The following ACSL4 variants were observed in gnomAD, a reference collection of about 807,000 sequenced individuals.
ACSL4 encodes long-chain-fatty-acid--CoA ligase 4.
ACSL4 carries 9 observed loss-of-function variants against 49.1 expected under a neutral mutation model. That is an observed-to-expected ratio of 0.18 (90% CI 0.11 to 0.32). The LOEUF is 0.32. ACSL4 is among the 10% of genes least tolerant of loss of function. The probability of loss-of-function intolerance (pLI) is 1.00; values close to 1 mark genes in which losing one functional copy is unlikely to be tolerated. For synonymous variants in ACSL4, 191 were observed against 170.3 expected (o/e 1.12, Z -0.95); for missense variants, 333 against 493.7 (o/e 0.67, Z 3.08).
Position 109,723,405 on chromosome X carries a change from T to G in ACSL4, c.-66+9734A>C, listed in dbSNP as rs1927714734. Among the ~76,000 whole-genome samples, 3 of 111,765 alleles carry G rather than the reference T, an allele frequency of 2.7e-5. No homozygotes were observed. In the South Asian group the frequency reaches 1.1e-3, roughly 41 times the overall value. ...CTCTTGATGTGTATCAATCAGATTG[T>G]TTTGTATTACCCATACACATGATAA... is the stretch of plus-strand genomic sequence containing the variant. On this transcript the variant is annotated intron_variant, in intron 1 of 15. Coordinates refer to ENST00000672401, the MANE Select transcript of ACSL4 (RefSeq NM_001318510.2).
chrX:109,700,718 G>C (rs1223603253), intron 1 of ACSL4, among the ~76,000 whole-genome samples: 1 of 110,839 alleles, frequency 9.0e-6, no homozygotes, highest in East Asian at 2.8e-4. Flanking sequence ...TTGCTTCATG[G>C]AAAAGTTAGA....
At chrX:109,674,141 T>C (rs963730990) in intron 9 of ACSL4, among the ~76,000 whole-genome samples, 2 of 111,580 alleles carry the variant, frequency 1.8e-5, no homozygotes, top group Non-Finnish European at 3.8e-5. Context: ...TCACAGTAGG[T>C]AACCTGAACT....
At chrX:109,664,556 AAT>A (rs755913385) in intron 12 of ACSL4, among the ~76,000 whole-genome samples, 162 of 112,147 alleles carry the variant, frequency 1.4e-3, no homozygotes, top group African/African-American at 4.8e-3. Context: ...TTAAAAAAGA[AAT>A]AGTCATTTGC....
chrX:109,729,361 C>T (rs1049391596), intron 1 of ACSL4, among the ~76,000 whole-genome samples: 4 of 111,843 alleles, frequency 3.6e-5, no homozygotes, highest in African/African-American at 1.3e-4. Flanking sequence ...CATTGGCGAT[C>T]AGAAAAATGC....
At chrX:109,709,061 T>G (rs771172017) in intron 1 of ACSL4, among the ~76,000 whole-genome samples, 53 of 112,114 alleles carry the variant, frequency 4.7e-4, no homozygotes, top group South Asian at 1.1e-3. Context: ...AGATTATATC[T>G]GCATGAGATA....
chrX:109,673,224 A>G (rs1241233715), intron 9 of ACSL4, among the ~76,000 whole-genome samples: 6 of 111,956 alleles, frequency 5.4e-5, no homozygotes, highest in Non-Finnish European at 1.1e-4. Context: ...CTAAATAGAC[A>G]GCCATAGTGG....
At chrX:109,674,277 T>G (rs376315955) in intron 9 of ACSL4, 125 bp downstream of exon 9, 4 of 611,167 alleles carry the variant, frequency 6.5e-6, no homozygotes. Flanking sequence ...TGCTGTGATT[T>G]CAACAAGGTA....
At chrX:109,732,341 T>C (rs180776918) in intron 1 of ACSL4, among the ~76,000 whole-genome samples, 27 of 111,391 alleles carry the variant, frequency 2.4e-4, no homozygotes, top group Admixed American at 8.5e-4. Flanking sequence ...AGAAATGACG[T>C]CTTATTTAAA....
chrX:109,649,464 G>C lies in ACSL4; in HGVS notation c.1856-5278C>G, dbSNP rs574565188. On this transcript the variant is annotated intron_variant, in intron 15 of 15. Coordinates refer to ENST00000672401, the MANE Select transcript of ACSL4 (RefSeq NM_001318510.2). Reference sequence around the variant, plus strand: ...TTAATAAATGGTGCTGGGAAAACTGGCTAGCCATATGTAGAAAGCTGAAAC... The same window carrying C: ...TTAATAAATGGTGCTGGGAAAACTGCCTAGCCATATGTAGAAAGCTGAAAC... Among the ~76,000 whole-genome samples, 5 of 111,742 alleles carry C rather than the reference G, an allele frequency of 4.5e-5. No homozygotes were observed. The South Asian group carries it at 1.9e-3, about 42-fold the overall frequency.
At chrX:109,676,015 G>C (rs1923650486) in intron 8 of ACSL4, among the ~76,000 whole-genome samples, 1 of 111,588 alleles carries the variant, frequency 9.0e-6, no homozygotes, top group African/African-American at 3.3e-5. Flanking sequence ...GGAGTTGTTT[G>C]GAACAGAATG....
Position 109,668,281 on chromosome X carries a change from A to G in ACSL4, c.1143-8T>C. The G allele has an allele frequency of 1.7e-6, 2 of 1,185,040 alleles. No homozygotes were observed. Among genetic ancestry groups the G allele is most frequent in the Non-Finnish European group, 2.3e-6 (2 of 876,003 alleles). On this transcript the variant is annotated splice_polypyrimidine_tract_variant and splice_region_variant and intron_variant, in intron 10 of 15. Transcript: ENST00000672401. The stretch of plus-strand genomic sequence containing the variant: ...ACCTTTTTAAACAGTAACCTTAATA[A>G]AGGGAGGATAAATGATTTTAATGTA...
chrX:109,660,812 A>C (rs1409140287), intron 14 of ACSL4, among the ~76,000 whole-genome samples: 1 of 111,865 alleles, frequency 8.9e-6, no homozygotes, highest in African/African-American at 3.2e-5. Context: ...CATTATACTA[A>C]GGGAATTAAG....
intron 15 of ACSL4, among the ~76,000 whole-genome samples, chrX:109,658,344 C>T (rs1274583387): frequency 9.0e-6 from 1 of 111,392 alleles, no homozygotes; most frequent in Non-Finnish European, 1.9e-5. Context: ...TCCTACAGTC[C>T]TCTTCAACTG....
chrX:109,698,034 A>G (rs1925591045), intron 1 of ACSL4, among the ~76,000 whole-genome samples: 1 of 111,541 alleles, frequency 9.0e-6, no homozygotes. Flanking sequence ...GGTACTAGAG[A>G]GTGTCAGGGA....
chrX:109,721,521 C>T (rs1927549553), intron 1 of ACSL4, among the ~76,000 whole-genome samples: 1 of 111,503 alleles, frequency 9.0e-6, no homozygotes, highest in South Asian at 3.7e-4. Flanking sequence ...CACCTGAGGT[C>T]AGAAGTTCGA....
intron 1 of ACSL4, among the ~76,000 whole-genome samples, chrX:109,729,552 T>C: frequency 8.9e-6 from 1 of 112,075 alleles, no homozygotes; most frequent in Non-Finnish European, 1.9e-5. Flanking sequence ...AACATGCAAG[T>C]GCTATACCAC....
At chrX:109,723,502 C>A (rs1927723143) in intron 1 of ACSL4, among the ~76,000 whole-genome samples, 1 of 111,468 alleles carries the variant, frequency 9.0e-6, no homozygotes, top group South Asian at 3.7e-4. Flanking sequence ...TCTTCCCCTG[C>A]TTAACAGCAT....
At chrX:109,659,281 T>G (rs944988806) in intron 15 of ACSL4, 73 bp downstream of exon 15, 2 of 958,067 alleles carry the variant, frequency 2.1e-6, no homozygotes, top group Admixed American at 2.3e-5. Flanking sequence ...GCAAACATAT[T>G]GAAGAGCCTA....
Position 109,653,503 on chromosome X carries a change from C to T in ACSL4, c.1855+5851G>A, listed in dbSNP as rs762361769. Among the ~76,000 whole-genome samples, 371 of 111,419 alleles carry T rather than the reference C, an allele frequency of 3.3e-3. 4 individuals carry two copies. Among genetic ancestry groups the T allele is most frequent in the African/African-American group, 0.011 (338 of 30,517 alleles). On this transcript the variant is annotated intron_variant, in intron 15 of 15. Transcript: ENST00000672401. The stretch of plus-strand genomic sequence containing the variant: ...TCATGCTGCTATAAAGACACATGCA[C>T]ACGTATGTTTATTGCGGCACTATTC...
Sources: allele counts gnomAD v4.1 joint callset (sites outside exome capture counted in the v4.1 genomes callset), GRCh38; gene constraint gnomAD v4.1.1; transcripts MANE v1.5; gene names NCBI Gene and HGNC (gene_info 2026-07-23, HGNC 2026-07-21).